The following POLA1 variants were observed in gnomAD, a reference collection of about 807,000 sequenced individuals.
POLA1 encodes DNA polymerase alpha 1, catalytic subunit.
POLA1 carries 15 observed loss-of-function variants against 124.0 expected under a neutral mutation model. The ratio of observed to expected loss-of-function variants is 0.12; its 90% confidence interval spans 0.08 to 0.19. POLA1 has a LOEUF of 0.19. Among genes scored for constraint, POLA1 ranks in the 10% least tolerant of loss-of-function variants. POLA1 has a pLI of 1.00. For synonymous variants in POLA1, 408 were observed against 389.4 expected, an observed-to-expected ratio of 1.05 and a Z score of -0.56; for missense variants, 886 against 1,103.4, an observed-to-expected ratio of 0.80 and a Z score of 2.79.
intron 3 of POLA1, among the ~76,000 whole-genome samples, chrX:24,704,068 G>A (rs1204602116): frequency 8.9e-6 from 1 of 111,928 alleles, no homozygotes; most frequent in East Asian, 2.8e-4. Flanking sequence ...TGGTAATCTT[G>A]ATTCTTTTAC....
rs997344192 is a variant in POLA1 at position 24,879,149 on chromosome X, TGACAG to T, written c.4048-8855_4048-8851del. Among the ~76,000 whole-genome samples the T allele has an allele frequency of 9.0e-5, 10 of 111,536 alleles. No homozygotes were observed. The Admixed American group carries it at 9.6e-4, about 11-fold the overall frequency. ...GTGGTTTTTTTCAGAAGTGAAGACT[TGACAG>T]GCAGGAATGGCGTTGGAAGTAATGA... On this transcript the variant is annotated intron_variant, in intron 34 of 36. Transcript: ENST00000379068.
At chrX:24,845,718 T>G in intron 34 of POLA1, among the ~76,000 whole-genome samples, 1 of 112,072 alleles carries the variant, frequency 8.9e-6, no homozygotes, top group East Asian at 2.8e-4. Flanking sequence ...GTAAGGATAT[T>G]GATAGTAAGT....
chrX:24,754,962 G>A (rs1321041432), intron 26 of POLA1, among the ~76,000 whole-genome samples: 1 of 112,255 alleles, frequency 8.9e-6, no homozygotes, highest in Non-Finnish European at 1.9e-5. Flanking sequence ...CATATCTTTA[G>A]GTTTCCAAGT....
At chrX:24,875,233 A>G (rs1297463413) in intron 34 of POLA1, among the ~76,000 whole-genome samples, 1 of 111,695 alleles carries the variant, frequency 9.0e-6, no homozygotes, top group Non-Finnish European at 1.9e-5. Context: ...AAGAAATTCC[A>G]GGTAGATTAT....
intron 35 of POLA1, among the ~76,000 whole-genome samples, chrX:24,925,646 A>C (rs1267898569): frequency 8.9e-6 from 1 of 112,454 alleles, no homozygotes; most frequent in Non-Finnish European, 1.9e-5. Context: ...ATGACTCAGC[A>C]TTTCCCCTCC....
chrX:24,899,763 ATTGCTTTGAGCCCAGAATCTTAGTGG>A (rs2047252292), intron 35 of POLA1, among the ~76,000 whole-genome samples: 1 of 111,565 alleles, frequency 9.0e-6, no homozygotes, highest in Admixed American at 9.5e-5. Context: ...AGTGAGGCGT[ATTGCTTTGAGCCCAGAATCTTAGTGG>A]ATAGTGCGCC....
At chrX:24,980,572 C>CT (rs2048409660) in intron 36 of POLA1, among the ~76,000 whole-genome samples, 1 of 111,453 alleles carries the variant, frequency 9.0e-6, no homozygotes, top group Non-Finnish European at 1.9e-5. Flanking sequence ...TTGATAACAG[C>CT]TTTTTTCATT....
chrX:24,883,156 A>G (rs764342134), intron 34 of POLA1, among the ~76,000 whole-genome samples: 4 of 112,085 alleles, frequency 3.6e-5, no homozygotes, highest in South Asian at 3.8e-4. Context: ...TTTGAGAAGT[A>G]TCTGTTCATG....
In POLA1 at chrX:24,967,696, T is replaced by C. The variant is rs186595929; in HGVS notation, c.4262-28109T>C. 9.2e-5 allele frequency among the ~76,000 whole-genome samples: 7 copies of C among 76,234 alleles called. No homozygotes were observed. The East Asian group carries it at 2.9e-3, about 32-fold the overall frequency. 66.2% of individuals were successfully genotyped at this position (76,234 alleles called of 115,157 possible). The stretch of plus-strand genomic sequence containing the variant: ...AAGAAAAAAAGAAATTGGATTTTAC[T>C]ATTCATGTCATTCTCAAGCTTACTT... On this transcript the variant is annotated intron_variant, in intron 36 of 36. Transcript: ENST00000379068.
chrX:24,877,586 AG>A (rs1240252614), intron 34 of POLA1, among the ~76,000 whole-genome samples: 1 of 111,934 alleles, frequency 8.9e-6, no homozygotes, highest in African/African-American at 3.2e-5. Flanking sequence ...CTAAACTGAA[AG>A]GTTTGTCACC....
intron 35 of POLA1, 84 bp from the exon 36 acceptor site, chrX:24,930,369 T>C: frequency 1.6e-6 from 1 of 622,962 alleles, no homozygotes; most frequent in Non-Finnish European, 2.6e-6. Context: ...AAGTTGAAAG[T>C]AGGGGATACA....
intron 34 of POLA1, among the ~76,000 whole-genome samples, chrX:24,855,899 A>G (rs2046639026): frequency 8.9e-6 from 1 of 112,085 alleles, no homozygotes; most frequent in Non-Finnish European, 1.9e-5. Flanking sequence ...CAATCCATGT[A>G]TAAGTTGACC....
intron 32 of POLA1, among the ~76,000 whole-genome samples, chrX:24,826,988 C>T (rs765821809): frequency 4.5e-5 from 5 of 112,118 alleles, no homozygotes; most frequent in East Asian, 2.8e-4. Flanking sequence ...TTGTCTCTGT[C>T]GCTGAAGGTA....
chrX:24,870,563 A>G (rs1601822417), intron 34 of POLA1, among the ~76,000 whole-genome samples: 1 of 111,663 alleles, frequency 9.0e-6, no homozygotes, highest in East Asian at 2.8e-4. Context: ...CTCCAGGCCC[A>G]TTTTCTTCTT....
At chrX:24,946,975 C>A (rs1339598546) in intron 36 of POLA1, among the ~76,000 whole-genome samples, 1 of 111,382 alleles carries the variant, frequency 9.0e-6, no homozygotes, top group Non-Finnish European at 1.9e-5. Context: ...CTTAATTTCC[C>A]ACCTTAATCT....
At chrX:24,788,304 C>T (rs767587615) in intron 26 of POLA1, 52 of 950,418 alleles carry the variant, frequency 5.5e-5, no homozygotes, top group Non-Finnish European at 5.1e-5. Flanking sequence ...AGATTGGGAA[C>T]AAGATAAGGA....
chrX:24,836,151 G>C (rs963007901), intron 32 of POLA1, among the ~76,000 whole-genome samples: 1 of 111,968 alleles, frequency 8.9e-6, no homozygotes, highest in African/African-American at 3.2e-5. Flanking sequence ...TTTGTGTCTA[G>C]ACTACTTTTA....
chrX:24,812,547 G>A, intron 28 of POLA1, 111 bp from the exon 29 acceptor site: 1 of 477,461 alleles, frequency 2.1e-6, no homozygotes. Flanking sequence ...AAATTCCAAT[G>A]TTGTATGACT....
At chrX:24,823,484 C>G (rs376639982) in intron 31 of POLA1, among the ~76,000 whole-genome samples, 93 of 110,316 alleles carry the variant, frequency 8.4e-4, no homozygotes, top group African/African-American at 3.0e-3. Flanking sequence ...TCACTGCAAC[C>G]TCCACCTCCT....
Sources: gnomAD v4.1 joint callset for allele counts (sites outside exome capture counted in the v4.1 genomes callset) on GRCh38, gnomAD v4.1.1 for gene constraint, MANE v1.5 for transcripts, NCBI Gene and HGNC (gene_info 2026-07-23, HGNC 2026-07-21) for gene names.